ZBBX: variants seen among roughly 807,000 people sequenced by gnomAD.
ZBBX encodes zinc finger B-box domain-containing protein 1.
In ZBBX, 101 loss-of-function variants were observed where a neutral mutation model predicts 108.5. That is an observed-to-expected ratio of 0.93 (90% CI 0.79 to 1.10). The LOEUF (loss-of-function observed/expected upper bound fraction) is 1.10, where lower values mean the gene tolerates loss of function less well. Among genes scored for constraint, ZBBX ranks in the 50% least tolerant of loss-of-function variants. The probability of loss-of-function intolerance (pLI) is 0.00; values close to 1 mark genes in which losing one functional copy is unlikely to be tolerated. For synonymous variants in ZBBX, 356 were observed against 323.4 expected, an observed-to-expected ratio of 1.10 and a Z score of -1.08; for missense variants, 1,009 against 941.4, an observed-to-expected ratio of 1.07 and a Z score of -0.94.
chr3:167,368,843 C>A, intron 4 of ZBBX: 1 of 542,386 alleles, frequency 1.8e-6, no homozygotes, highest in Non-Finnish European at 2.5e-6. Flanking sequence ...ATATATAAGG[C>A]ATGTTTTTAT....
At position 167,277,447 on chromosome 3, in the gene ZBBX, T is replaced by C. The variant is rs1473193690; in HGVS notation, c.2254+4791A>G. Among the ~76,000 whole-genome samples the C allele has an allele frequency of 1.6e-4, 25 of 152,108 alleles. No individual in the cohort carries two copies. In the East Asian group the frequency reaches 4.8e-3, roughly 29 times the overall value. ...AAACAAAAAAAGGCAGGGATTGCAA[T>C]CCTAGTCTCTGATAAAACAGACTTT... On this transcript the variant is annotated intron_variant, in intron 20 of 21. Transcript: ENST00000675490.
Position 167,378,465 on chromosome 3 carries a change from A to G in ZBBX, c.-132+1173T>C, listed in dbSNP as rs185375740. 1.0e-3 allele frequency among the ~76,000 whole-genome samples: 155 copies of G among 152,344 alleles called. 1 individual carries two copies. Among genetic ancestry groups the G allele is most frequent in the African/African-American group, 3.7e-3 (153 of 41,584 alleles). ...GACTAAATTCACTGGATTTAAAGTC[A>G]TAAGATCTTTGTGTGATAGAAATCT... On this transcript the variant is annotated intron_variant, in intron 2 of 21. Transcript: ENST00000675490.
the ZBBX span, among the ~76,000 whole-genome samples, chr3:167,220,379 C>A: frequency 6.6e-6 from 1 of 151,908 alleles, no homozygotes; most frequent in Non-Finnish European, 1.5e-5. Context: ...TTAAAAAGAT[C>A]ATTTTTCAAG....
chr3:167,206,417 G>T, the ZBBX span, among the ~76,000 whole-genome samples: 1 of 151,450 alleles, frequency 6.6e-6, no homozygotes, highest in Admixed American at 6.6e-5. Flanking sequence ...TTCATATTGT[G>T]GTTATTGTGA....
intron 20 of ZBBX, 67 bp downstream of exon 20, chr3:167,282,171 T>A: frequency 6.8e-7 from 1 of 1,478,376 alleles, no homozygotes; most frequent in Non-Finnish European, 9.1e-7. Context: ...TAGCGCAAGA[T>A]ATGAAGAATC....
chr3:167,285,101 A>T (rs996413570), intron 19 of ZBBX, among the ~76,000 whole-genome samples: 2 of 152,152 alleles, frequency 1.3e-5, no homozygotes, highest in Admixed American at 1.3e-4. Flanking sequence ...GTAACAAAAT[A>T]AATTTTCCTT....
chr3:167,210,665 GA>G, the ZBBX span, among the ~76,000 whole-genome samples: 2 of 151,660 alleles, frequency 1.3e-5, no homozygotes, highest in Admixed American at 6.6e-5. Flanking sequence ...AGCAGCAAGA[GA>G]AAAAAAATAC....
At chr3:167,382,549 T>C (rs2108633006), upstream of ZBBX, among the ~76,000 whole-genome samples, 1 of 152,218 alleles carries the variant, frequency 6.6e-6, no homozygotes, top group East Asian at 1.9e-4. Flanking sequence ...AGATAAAAAT[T>C]ACCGGCAATG....
intron 8 of ZBBX, among the ~76,000 whole-genome samples, chr3:167,355,732 A>G (rs928283185): frequency 2.6e-5 from 4 of 152,010 alleles, no homozygotes; most frequent in Non-Finnish European, 5.9e-5. Context: ...GCCTAATTTG[A>G]ATTTTTAAAT....
At chr3:167,260,808 T>A (rs1724376327) in intron 20 of ZBBX, among the ~76,000 whole-genome samples, 2 of 152,240 alleles carry the variant, frequency 1.3e-5, no homozygotes, top group South Asian at 4.1e-4. Flanking sequence ...TAATAACTGA[T>A]CCCCTGAATT....
At chr3:167,392,039 A>G (rs1748098156) in intron 1 of ZBBX, among the ~76,000 whole-genome samples, 1 of 151,698 alleles carries the variant, frequency 6.6e-6, no homozygotes, top group Non-Finnish European at 1.5e-5. Context: ...TACCCTATGC[A>G]CTTGCAATCA....
chr3:167,184,576 T>C, the ZBBX span, among the ~76,000 whole-genome samples: 1 of 152,072 alleles, frequency 6.6e-6, no homozygotes, highest in Non-Finnish European at 1.5e-5. Flanking sequence ...CAAGGAATAG[T>C]CAACAGGAAA....
chr3:167,294,423 C>CA (rs1731272937), intron 18 of ZBBX, among the ~76,000 whole-genome samples: 1 of 152,080 alleles, frequency 6.6e-6, no homozygotes, highest in East Asian at 1.9e-4. Context: ...CTTTGACAGA[C>CA]ATGGCAAAAA....
chr3:167,248,762 C>A, intron 20 of ZBBX: 2 of 414,188 alleles, frequency 4.8e-6, no homozygotes, highest in Non-Finnish European at 4.9e-6. Flanking sequence ...GGAGGCCATG[C>A]TTCATGGCAT....
the ZBBX span, among the ~76,000 whole-genome samples, chr3:167,229,565 C>A: frequency 5.0e-3 from 765 of 151,892 alleles, 3 homozygotes; most frequent in Non-Finnish European, 8.4e-3. Flanking sequence ...AGTAGGCATA[C>A]TTCGGAAATA....
chr3:167,372,237 T>C (rs1032243268), intron 4 of ZBBX, among the ~76,000 whole-genome samples: 5 of 151,968 alleles, frequency 3.3e-5, no homozygotes, highest in African/African-American at 1.2e-4. Flanking sequence ...CTTCATCCTA[T>C]GCTGGCTGGC....
intron 20 of ZBBX, among the ~76,000 whole-genome samples, chr3:167,250,077 C>T (rs958698590): frequency 3.9e-5 from 6 of 152,108 alleles, no homozygotes; most frequent in East Asian, 1.9e-4. Flanking sequence ...CTGATTCAGT[C>T]GAGAACAGCT....
In ZBBX at chr3:167,328,132, C is replaced by T. The variant is rs934366660; in HGVS notation, c.688-16G>A. 21 of 1,589,294 alleles carry T rather than the reference C, an allele frequency of 1.3e-5. No homozygotes were observed. The African/African-American group carries it at 2.6e-4, about 20-fold the overall frequency. On this transcript the variant is annotated splice_polypyrimidine_tract_variant and intron_variant, in intron 10 of 21. Coordinates refer to ENST00000675490, the MANE Select transcript of ZBBX (RefSeq NM_001199201.2). ...TAATTTCTACCTAATTAAAAGGATA[C>T]ATAGGCATGCTTTATTAAATTTTCT...
Position 167,242,537 on chromosome 3 carries a change from A to G in ZBBX, c.2361T>C (p.His787=). Residue 787 remains histidine (H), a synonymous_variant, in exon 21 of 22, where the codon CAT becomes CAC. Coordinates refer to ENST00000675490, the MANE Select transcript of ZBBX (RefSeq NM_001199201.2). ...QISTDFLKTS[H]VRGPCGVEEL... ...CCTCAACTCCACAGGGACCCCTCAC[A>G]TGTGAGGTCTTAAGGAAATCTGTGG... is the stretch of plus-strand genomic sequence containing the variant. 2 of 1,613,234 alleles carry G rather than the reference A, an allele frequency of 1.2e-6. No homozygotes were observed. Among genetic ancestry groups the G allele is most frequent in the African/African-American group, 1.3e-5 (1 of 75,002 alleles).
Sources: allele counts gnomAD v4.1 joint callset (sites outside exome capture counted in the v4.1 genomes callset), GRCh38; gene constraint gnomAD v4.1.1; transcripts MANE v1.5; gene names NCBI Gene and HGNC (gene_info 2026-07-23, HGNC 2026-07-21).